The following FGD3 variants were observed in gnomAD, a reference collection of about 807,000 sequenced individuals.
The protein encoded by FGD3 is FYVE, RhoGEF and PH domain-containing protein 3.
FGD3 carries 45 observed loss-of-function variants against 71.8 expected under a neutral mutation model. The ratio of observed to expected loss-of-function variants is 0.63; its 90% CI spans 0.49 to 0.80. The LOEUF is 0.80. Among genes scored for constraint, FGD3 ranks in the 30% least tolerant of loss-of-function variants. The probability of loss-of-function intolerance (pLI) is 0.00; values close to 1 mark genes in which losing one functional copy is unlikely to be tolerated. For synonymous variants in FGD3, 378 were observed against 392.8 expected (o/e 0.96, Z 0.44); for missense variants, 844 against 951.5 (o/e 0.89, Z 1.49).
At chr9:93,010,912 TG>T (rs1861321971) in intron 7 of FGD3, among the ~76,000 whole-genome samples, 1 of 152,040 alleles carries the variant, frequency 6.6e-6, no homozygotes, top group Non-Finnish European at 1.5e-5. Flanking sequence ...ATAGGGCTGG[TG>T]GGGGCTGCTC....
At chr9:92,961,241 G>A (rs1010277018) in intron 1 of FGD3, among the ~76,000 whole-genome samples, 23 of 152,320 alleles carry the variant, frequency 1.5e-4, no homozygotes, top group Non-Finnish European at 3.1e-4. Context: ...CTCATGAAGT[G>A]AGCCACCTGG....
intron 3 of FGD3, among the ~76,000 whole-genome samples, chr9:92,993,911 T>C (rs1860522990): frequency 6.6e-6 from 1 of 152,232 alleles, no homozygotes; most frequent in East Asian, 1.9e-4. Context: ...TTGTGAATAG[T>C]GCTGCAATAA....
rs559446408 is a variant in FGD3 at position 92,976,199 on chromosome 9, C to T, written c.-49-9C>T. On this transcript the variant is annotated splice_polypyrimidine_tract_variant and intron_variant, in intron 2 of 17. Coordinates refer to ENST00000375482, the MANE Select transcript of FGD3 (RefSeq NM_001083536.2). ...CTAGCACTGACTCTGGCTTGTTTCT[C>T]CCCTACAGGAAGCCCCTGGCCAGCC... The T allele has an allele frequency of 1.5e-5, 21 of 1,431,544 alleles. No individual in the cohort carries two copies. The East Asian group carries it at 4.7e-4, about 32-fold the overall frequency. 88.7% of individuals were successfully genotyped at this position (1,431,544 alleles called of 1,614,324 possible).
rs143953282 is a variant in FGD3, at chr9:92,956,782, C to T, written c.-218+9053C>T. ...ACTAGTTCTGCCTGTCTTTGAACTT[C>T]ATCTAACAGTCTTTTGTGTCTGGCT... is the stretch of plus-strand genomic sequence containing the variant. On this transcript the variant is annotated intron_variant, in intron 1 of 17. Coordinates refer to ENST00000375482, the MANE Select transcript of FGD3 (RefSeq NM_001083536.2). Among the ~76,000 whole-genome samples the T allele has an allele frequency of 3.9e-3, 597 of 151,828 alleles. 5 individuals are homozygous for T. The highest frequency in any genetic ancestry group is 0.013 in the African/African-American group (556 of 41,422).
intron 14 of FGD3, among the ~76,000 whole-genome samples, chr9:93,022,883 C>T (rs1861977840): frequency 6.6e-6 from 1 of 152,172 alleles, no homozygotes; most frequent in South Asian, 2.1e-4. Flanking sequence ...CGTCTGTGTT[C>T]TCGTGTGCCT....
At chr9:92,973,848 A>G (rs1394809858) in intron 1 of FGD3, among the ~76,000 whole-genome samples, 1 of 152,078 alleles carries the variant, frequency 6.6e-6, no homozygotes, top group Non-Finnish European at 1.5e-5. Flanking sequence ...CAGCTCTCTC[A>G]TCTTCAGGGC....
chr9:92,948,860 C>T (rs1472668613), intron 1 of FGD3, among the ~76,000 whole-genome samples: 2 of 152,160 alleles, frequency 1.3e-5, no homozygotes, highest in Non-Finnish European at 2.9e-5. Context: ...CTGTGTTGTG[C>T]CCAGGGTCCC....
chr9:92,998,466 C>G (rs1035424462), intron 3 of FGD3, among the ~76,000 whole-genome samples: 2 of 152,230 alleles, frequency 1.3e-5, no homozygotes, highest in Non-Finnish European at 2.9e-5. Context: ...CTGAAGCTTA[C>G]TTTCGTCAAC....
chr9:93,032,035 T>G (rs1234246450), intron 15 of FGD3, among the ~76,000 whole-genome samples: 1 of 152,174 alleles, frequency 6.6e-6, no homozygotes, highest in Non-Finnish European at 1.5e-5. Context: ...ATTCCCATGC[T>G]CCACCCATGC....
rs778101147 is a variant in FGD3 at position 93,020,441 on chromosome 9, G to C, written c.1494+17G>C. On this transcript the variant is annotated intron_variant, in intron 13 of 17. Transcript: ENST00000375482. Reference sequence around the variant, plus strand: ...GACATGCCTGTGAGTCAGTGGCCCGGGGTGCAGAGAGACCTCCAGGGGACG... The same window carrying C: ...GACATGCCTGTGAGTCAGTGGCCCGCGGTGCAGAGAGACCTCCAGGGGACG... 1 of 1,607,522 alleles carries C rather than the reference G, an allele frequency of 6.2e-7. No individual in the cohort carries two copies. The highest frequency in any genetic ancestry group is 1.1e-5 in the South Asian group (1 of 90,190).
intron 3 of FGD3, among the ~76,000 whole-genome samples, chr9:92,989,826 T>G (rs1199388126): frequency 1.3e-5 from 2 of 152,202 alleles, no homozygotes; most frequent in Non-Finnish European, 2.9e-5. Context: ...GAAAGGCAGT[T>G]TCTTGCATGA....
intron 3 of FGD3, among the ~76,000 whole-genome samples, chr9:92,977,786 G>T (rs1044624122): frequency 5.9e-5 from 9 of 152,090 alleles, no homozygotes. Context: ...TGGTTTCTGC[G>T]GGAAACTTGA....
intron 9 of FGD3, among the ~76,000 whole-genome samples, chr9:93,014,917 G>A (rs1861605521): frequency 6.6e-6 from 1 of 152,146 alleles, no homozygotes; most frequent in South Asian, 2.1e-4. Flanking sequence ...ACAGGCGTGA[G>A]CCACCTCACC....
chr9:93,034,817 C>T, intron 17 of FGD3, 136 bp downstream of exon 17: 1 of 1,005,330 alleles, frequency 9.9e-7, no homozygotes, highest in Non-Finnish European at 1.4e-6. Context: ...GTTTCCCCGG[C>T]AGCGCAGGAT....
chr9:93,010,958 G>A (rs1030302222), intron 7 of FGD3, among the ~76,000 whole-genome samples: 5 of 146,948 alleles, frequency 3.4e-5, no homozygotes, highest in African/African-American at 1.2e-4. Context: ...TGGCTGGCAG[G>A]CAGCCCGGAC....
intron 3 of FGD3, among the ~76,000 whole-genome samples, chr9:92,992,500 G>T (rs1053725820): frequency 2.0e-5 from 3 of 152,202 alleles, no homozygotes; most frequent in Non-Finnish European, 4.4e-5. Flanking sequence ...TGGGAGGATT[G>T]CTTGAGCTCC....
At chr9:92,998,045 A>G (rs535735612) in intron 3 of FGD3, among the ~76,000 whole-genome samples, 1 of 152,302 alleles carries the variant, frequency 6.6e-6, no homozygotes, top group Admixed American at 6.5e-5. Flanking sequence ...GTTCTCCTGG[A>G]TAATATCCTG....
chr9:92,957,078 A>G (rs1236244585), intron 1 of FGD3, among the ~76,000 whole-genome samples: 1 of 151,992 alleles, frequency 6.6e-6, no homozygotes, highest in Non-Finnish European at 1.5e-5. Flanking sequence ...GCTGCACCAC[A>G]CTTTGCTTAT....
rs1296823906 is a variant in FGD3, at chr9:93,003,076, G to A, written c.543+62G>A. ...TTAGCATTGGCTGGGCATTATAGGTGCAGTGTGAATGACTTAAATACTAAA... is the reference window on the plus strand; with the variant it reads ...TTAGCATTGGCTGGGCATTATAGGTACAGTGTGAATGACTTAAATACTAAA... On this transcript the variant is annotated intron_variant, in intron 4 of 17. Transcript: ENST00000375482. The surrounding 1 kb of genome is among the most constrained non-coding windows in gnomAD (Gnocchi z 4.1). The A allele has an allele frequency of 4.1e-6, 6 of 1,480,244 alleles. No homozygotes were observed. In the Admixed American group the frequency reaches 5.1e-5, roughly 13 times the overall value. 91.7% of individuals were successfully genotyped at this position (1,480,244 alleles called of 1,614,324 possible).
Sources: gnomAD v4.1 joint callset for allele counts (sites outside exome capture counted in the v4.1 genomes callset) on GRCh38, gnomAD v4.1.1 for gene constraint, Gnocchi (gnomAD v3.1) non-coding constraint, MANE v1.5 for transcripts, NCBI Gene and HGNC (gene_info 2026-07-23, HGNC 2026-07-21) for gene names.